The following DNMT3B variants were observed in gnomAD, a reference collection of about 807,000 sequenced individuals.
DNMT3B encodes the protein DNA (cytosine-5)-methyltransferase 3B.
A neutral mutation model predicts 120.2 loss-of-function variants in DNMT3B; 37 were observed. The ratio of observed to expected loss-of-function variants is 0.31; its 90% CI spans 0.24 to 0.40. The LOEUF (loss-of-function observed/expected upper bound fraction) is 0.40. Among genes scored for constraint, DNMT3B ranks in the 10% least tolerant of loss-of-function variants. DNMT3B has a pLI of 1.00. For missense variants in DNMT3B, 878 were observed against 1,137.3 expected (o/e 0.77, Z 3.28); for synonymous variants, 412 against 442.8 (o/e 0.93, Z 0.87).
At chr20:32,785,975 C>T (rs528403727) in intron 4 of DNMT3B, among the ~76,000 whole-genome samples, 3 of 152,080 alleles carry the variant, frequency 2.0e-5, no homozygotes, top group South Asian at 2.1e-4. Flanking sequence ...CCTCTGCCTC[C>T]CTGGTCCAAG....
At chr20:32,764,771 T>C (rs576639437) in intron 1 of DNMT3B, among the ~76,000 whole-genome samples, 1 of 152,276 alleles carries the variant, frequency 6.6e-6, no homozygotes, top group Admixed American at 6.5e-5. Context: ...CATCCTGCTC[T>C]TAAAGTCATA....
Position 32,781,433 on chromosome 20 carries a change from C to G in DNMT3B, c.204+19C>G. 6.2e-7 allele frequency: 1 copy of G among 1,614,010 alleles called. No homozygotes were observed. The highest frequency in any genetic ancestry group is 1.3e-5 in the African/African-American group (1 of 75,058). On this transcript the variant is annotated intron_variant, in intron 3 of 22. Coordinates refer to ENST00000328111, the MANE Select transcript of DNMT3B (RefSeq NM_006892.4). Reference sequence around the variant, plus strand: ...CACACAGGTATGGTCTCTGCTCTCCCTTTTTCAGGGCTCAGGGACTTTGTC... The same window carrying G: ...CACACAGGTATGGTCTCTGCTCTCCGTTTTTCAGGGCTCAGGGACTTTGTC...
chr20:32,791,707 A>AG lies in DNMT3B; in HGVS notation c.921+1dup. On this transcript the variant is annotated frameshift_variant and splice_region_variant, in exon 8 of 23. Coordinates refer to ENST00000328111, the MANE Select transcript of DNMT3B (RefSeq NM_006892.4). LOFTEE classifies it high-confidence loss of function. ...CGAAAAGCCATGTACCATGCTCTGG[A>AG]GGTAACATGGGATGAGGGAATGAGG... 1 of 1,613,850 alleles carries AG rather than the reference A, an allele frequency of 6.2e-7. No homozygotes were observed. Among genetic ancestry groups the AG allele is most frequent in the Non-Finnish European group, 8.5e-7 (1 of 1,179,802 alleles).
Position 32,780,477 on chromosome 20 carries a change from G to A in DNMT3B, c.142+12G>A, listed in dbSNP as rs1314008655. 6.2e-6 allele frequency: 10 copies of A among 1,610,976 alleles called. No individual in the cohort carries two copies. Among genetic ancestry groups the A allele is most frequent in the South Asian group, 1.1e-5 (1 of 91,006 alleles). On this transcript the variant is annotated intron_variant, in intron 2 of 22. Coordinates refer to ENST00000328111, the MANE Select transcript of DNMT3B (RefSeq NM_006892.4). Reference sequence around the variant, plus strand: ...CCCGGAGATCAGAGGTGGCTGGGCAGTGGGGACTGGGGTGGTGTCAGGCGC... The same window carrying A: ...CCCGGAGATCAGAGGTGGCTGGGCAATGGGGACTGGGGTGGTGTCAGGCGC...
chr20:32,796,312 A>G (rs191131657), intron 12 of DNMT3B, among the ~76,000 whole-genome samples: 47 of 152,306 alleles, frequency 3.1e-4, no homozygotes, highest in Admixed American at 2.1e-3. Flanking sequence ...CTATCTACCC[A>G]GCCAGGGATG....
Position 32,781,337 on chromosome 20 carries a change from G to A in DNMT3B, c.143-16G>A. The stretch of plus-strand genomic sequence containing the variant: ...CCTGCCCCCACAAAACAGACTCCTG[G>A]CTGTTTCCTCTACAGGCCGAAGATC... On this transcript the variant is annotated splice_polypyrimidine_tract_variant and intron_variant, in intron 2 of 22. Coordinates refer to ENST00000328111, the MANE Select transcript of DNMT3B (RefSeq NM_006892.4). 1 of 1,614,006 alleles carries A rather than the reference G, an allele frequency of 6.2e-7. No individual in the cohort carries two copies. Among genetic ancestry groups the A allele is most frequent in the Non-Finnish European group, 8.5e-7 (1 of 1,179,982 alleles).
chr20:32,782,126 T>C (rs1601079592), intron 3 of DNMT3B, among the ~76,000 whole-genome samples: 1 of 152,336 alleles, frequency 6.6e-6, no homozygotes, highest in East Asian at 1.9e-4. Flanking sequence ...AAATGCATGC[T>C]AGTTTTACTG....
At chr20:32,768,691 T>C (rs1252012427) in intron 1 of DNMT3B, among the ~76,000 whole-genome samples, 1 of 152,120 alleles carries the variant, frequency 6.6e-6, no homozygotes, top group Non-Finnish European at 1.5e-5. Flanking sequence ...TACAGGAGGC[T>C]CTGGAGATGG....
At position 32,777,353 on chromosome 20, in the gene DNMT3B, T is replaced by TTAA. The variant is rs148877760; in HGVS notation, c.-6-2963_-6-2961dup. Among the ~76,000 whole-genome samples the TTAA allele has an allele frequency of 2.1e-3, 324 of 152,206 alleles. 1 individual carries two copies. The highest frequency in any genetic ancestry group is 7.7e-3 in the African/African-American group (321 of 41,530). ...GGCCCTGGGGGAAGGCCCAGGGTGG[T>TTAA]TAATCATTGTCAGCCTGGGTCTGTC... On this transcript the variant is annotated intron_variant, in intron 1 of 22. Coordinates refer to ENST00000328111, the MANE Select transcript of DNMT3B (RefSeq NM_006892.4).
At chr20:32,780,245 C>G in intron 1 of DNMT3B, 73 bp from the exon 2 acceptor site, 1 of 1,613,328 alleles carries the variant, frequency 6.2e-7, no homozygotes, top group Non-Finnish European at 8.5e-7. Flanking sequence ...ACACAGAGCC[C>G]ATGGCGGGGG....
At chr20:32,793,719 CCACTCTCCCCT>C in intron 10 of DNMT3B, 124 bp downstream of exon 10, 1 of 1,062,902 alleles carries the variant, frequency 9.4e-7, no homozygotes, top group South Asian at 1.3e-5. Flanking sequence ...AACTCCCTCC[CCACTCTCCCCT>C]CACATCCCAC....
chr20:32,778,320 C>T (rs958273403), intron 1 of DNMT3B, among the ~76,000 whole-genome samples: 1 of 151,244 alleles, frequency 6.6e-6, no homozygotes, highest in Non-Finnish European at 1.5e-5. Flanking sequence ...TGGCGGAGGT[C>T]GCACCACTGC....
chr20:32,763,643 G>A (rs1987115418), intron 1 of DNMT3B, among the ~76,000 whole-genome samples: 1 of 152,232 alleles, frequency 6.6e-6, no homozygotes, highest in African/African-American at 2.4e-5. Flanking sequence ...AGTGGAAGCG[G>A]AGAAAGACCT....
chr20:32,800,482 T>G (rs1320280891), intron 17 of DNMT3B, among the ~76,000 whole-genome samples, 184 bp downstream of exon 17: 1 of 152,124 alleles, frequency 6.6e-6, no homozygotes, highest in Non-Finnish European at 1.5e-5. Context: ...AAGATTCTAT[T>G]TTTTTCTGGA....
intron 1 of DNMT3B, among the ~76,000 whole-genome samples, chr20:32,770,636 CAG>C (rs1322777574): frequency 1.0e-4 from 15 of 143,342 alleles, no homozygotes; most frequent in Admixed American, 7.2e-5. Context: ...CCTTTTGAGA[CAG>C]AGTTTCGCTC....
chr20:32,787,408 A>T lies in DNMT3B; in HGVS notation c.611A>T (p.Gln204Leu). 6.2e-7 allele frequency: 1 copy of T among 1,614,216 alleles called. No individual in the cohort carries two copies. Among genetic ancestry groups the T allele is most frequent in the Admixed American group, 1.7e-5 (1 of 60,024 alleles). ...CAGCAGGGGGGCATGGAGTCCCCGC[A>T]GGTGGAGGCAGACAGTGGAGATGGA... Reference protein sequence around the residue: ...DSQQGGMESPQVEADSGDGDS... With the variant: ...DSQQGGMESPLVEADSGDGDS... The change falls in exon 6 of 23, where the codon CAG becomes CTG. Residue 204 changes from glutamine (Q) to leucine (L), a missense_variant. By Grantham distance (113) the Gln-to-Leu change is moderately radical. Coordinates refer to ENST00000328111, the MANE Select transcript of DNMT3B (RefSeq NM_006892.4).
At chr20:32,799,095 C>G in intron 15 of DNMT3B, 149 bp from the exon 16 acceptor site, 1 of 833,812 alleles carries the variant, frequency 1.2e-6, no homozygotes, top group East Asian at 2.7e-5. Context: ...ACACTTGTCT[C>G]CCCAATCCCC....
intron 7 of DNMT3B, among the ~76,000 whole-genome samples, chr20:32,790,916 A>G (rs1979902245): frequency 6.6e-6 from 1 of 151,644 alleles, no homozygotes; most frequent in African/African-American, 2.4e-5. Flanking sequence ...CTCAACTCCC[A>G]CTCCCAAAGT....
intron 1 of DNMT3B, among the ~76,000 whole-genome samples, 160 bp downstream of exon 1, chr20:32,762,859 G>A (rs1159384364): frequency 2.6e-5 from 4 of 152,008 alleles, no homozygotes; most frequent in Non-Finnish European, 4.4e-5. Flanking sequence ...CTGGGTTTGC[G>A]GGGTGAGGAA....
Sources: gnomAD v4.1 joint callset for allele counts (sites outside exome capture counted in the v4.1 genomes callset) on GRCh38, gnomAD v4.1.1 for gene constraint, MANE v1.5 for transcripts, NCBI Gene and HGNC (gene_info 2026-07-23, HGNC 2026-07-21) for gene names.